PRKCQ: variants seen among roughly 807,000 people sequenced by gnomAD.
PRKCQ encodes protein kinase C theta, also known as protein kinase C theta type.
Under a neutral mutation model 91.2 loss-of-function variants are expected in PRKCQ, and 41 were observed. The ratio of observed to expected loss-of-function variants is 0.45; its 90% confidence interval spans 0.35 to 0.58. PRKCQ has a LOEUF of 0.58. Ranked by LOEUF, PRKCQ falls within the 20% of genes least tolerant of loss-of-function variation. PRKCQ has a pLI of 0.00. For synonymous variants in PRKCQ, 307 were observed against 316.9 expected (o/e 0.97, Z 0.33); for missense variants, 673 against 896.5 (o/e 0.75, Z 3.18).
chr10:6,533,391 T>G (rs1839465107), intron 1 of PRKCQ, among the ~76,000 whole-genome samples: 1 of 152,092 alleles, frequency 6.6e-6, no homozygotes, highest in Admixed American at 6.5e-5. Flanking sequence ...GAGACGGGGT[T>G]TCACCACGTT....
chr10:6,516,163 T>C (rs1171165092), intron 1 of PRKCQ, among the ~76,000 whole-genome samples: 1 of 152,188 alleles, frequency 6.6e-6, no homozygotes, highest in Non-Finnish European at 1.5e-5. Flanking sequence ...TTTGAAATAA[T>C]AAAGACCTGG....
chr10:6,425,421 A>G (rs1833093339), downstream of PRKCQ, among the ~76,000 whole-genome samples: 2 of 151,854 alleles, frequency 1.3e-5, no homozygotes, highest in South Asian at 4.1e-4. Context: ...ACGGGGTTTC[A>G]CCATGTTGGT....
rs532795355 is a variant in PRKCQ at position 6,563,387 on chromosome 10, C to T, written c.-10+16824G>A. On this transcript the variant is annotated intron_variant, in intron 1 of 17. Transcript: ENST00000263125. ...TGCCTTCTGAGTCCAGGTCAGGGCTCTCCCCATGGGGACAGGTCTCCATGG... is the reference window on the plus strand; with the variant it reads ...TGCCTTCTGAGTCCAGGTCAGGGCTTTCCCCATGGGGACAGGTCTCCATGG... Among the ~76,000 whole-genome samples the T allele has an allele frequency of 2.6e-5, 4 of 152,136 alleles. No homozygotes were observed. In the East Asian group the frequency reaches 5.8e-4, roughly 22 times the overall value.
intron 1 of PRKCQ, among the ~76,000 whole-genome samples, chr10:6,547,018 A>C (rs1042460202): frequency 6.6e-6 from 1 of 152,206 alleles, no homozygotes; most frequent in Non-Finnish European, 1.5e-5. Context: ...GGTTCTGTTT[A>C]TACGCTGGAT....
rs575818050 is a variant in PRKCQ at position 6,482,498 on chromosome 10, G to A, written c.1179+942C>T. Among the ~76,000 whole-genome samples the A allele has an allele frequency of 3.3e-5, 5 of 152,222 alleles. 1 individual carries two copies. The South Asian group carries it at 8.3e-4, about 25-fold the overall frequency. ...TGATATGAAGGCATGGAGAGAGGGCGACCATTGCAAAGCATGGAGAGGGGC... is the reference window on the plus strand; with the variant it reads ...TGATATGAAGGCATGGAGAGAGGGCAACCATTGCAAAGCATGGAGAGGGGC... On this transcript the variant is annotated intron_variant, in intron 11 of 17. Coordinates refer to ENST00000263125, the MANE Select transcript of PRKCQ (RefSeq NM_006257.5).
At chr10:6,549,449 A>G (rs1344905462) in intron 1 of PRKCQ, among the ~76,000 whole-genome samples, 4 of 152,128 alleles carry the variant, frequency 2.6e-5, no homozygotes, top group Admixed American at 1.3e-4. Context: ...TATTTTTATG[A>G]TAACTGGAGT....
At chr10:6,411,621 A>G in the PRKCQ span, among the ~76,000 whole-genome samples, 2 of 152,216 alleles carry the variant, frequency 1.3e-5, no homozygotes, top group Non-Finnish European at 2.9e-5. Context: ...TGGGACACCC[A>G]TTTGTTTCCG....
chr10:6,522,571 T>C (rs1242567194), intron 1 of PRKCQ, among the ~76,000 whole-genome samples: 2 of 152,198 alleles, frequency 1.3e-5, no homozygotes, highest in African/African-American at 4.8e-5. Flanking sequence ...AATAGAAGTA[T>C]AATATACTCT....
At chr10:6,481,336 T>C (rs1393776998) in intron 11 of PRKCQ, among the ~76,000 whole-genome samples, 1 of 152,252 alleles carries the variant, frequency 6.6e-6, no homozygotes, top group Non-Finnish European at 1.5e-5. Context: ...CTTCTTTCAG[T>C]AAAACACCCT....
intron 3 of PRKCQ, among the ~76,000 whole-genome samples, chr10:6,508,253 T>C (rs2130851311): frequency 6.6e-6 from 1 of 152,080 alleles, no homozygotes; most frequent in South Asian, 2.1e-4. Context: ...GTTAATCTAT[T>C]AAACCATCCC....
At chr10:6,453,986 G>A (rs942298143) in intron 15 of PRKCQ, among the ~76,000 whole-genome samples, 1 of 151,992 alleles carries the variant, frequency 6.6e-6, no homozygotes, top group Non-Finnish European at 1.5e-5. Context: ...ACGAGTTAAT[G>A]GGTGCAGCAC....
At chr10:6,553,290 G>C (rs1459591497) in intron 1 of PRKCQ, among the ~76,000 whole-genome samples, 1 of 151,974 alleles carries the variant, frequency 6.6e-6, no homozygotes, top group Non-Finnish European at 1.5e-5. Context: ...AGGACTTTGA[G>C]ACCAGCCTGG....
chr10:6,450,964 A>T (rs928729404), intron 15 of PRKCQ, among the ~76,000 whole-genome samples: 2 of 152,202 alleles, frequency 1.3e-5, no homozygotes, highest in African/African-American at 4.8e-5. Context: ...AATGCCCACA[A>T]GAGAAAGCAG....
chr10:6,442,923 A>G (rs1834050742), intron 15 of PRKCQ, among the ~76,000 whole-genome samples: 1 of 152,122 alleles, frequency 6.6e-6, no homozygotes, highest in African/African-American at 2.4e-5. Flanking sequence ...GATCATGCCA[A>G]TGCACTCCAG....
chr10:6,568,766 G>C (rs1840928764), intron 1 of PRKCQ, among the ~76,000 whole-genome samples: 1 of 152,128 alleles, frequency 6.6e-6, no homozygotes. Context: ...CCAAAGTGCT[G>C]AGATAACAGG....
intron 4 of PRKCQ, among the ~76,000 whole-genome samples, chr10:6,506,962 G>C (rs139742758): frequency 6.6e-6 from 1 of 152,224 alleles, no homozygotes; most frequent in Non-Finnish European, 1.5e-5. Context: ...ACCTTTTCTT[G>C]TTCCTAAAAG....
chr10:6,521,002 GA>G (rs1301070684), intron 1 of PRKCQ, among the ~76,000 whole-genome samples: 1 of 152,198 alleles, frequency 6.6e-6, no homozygotes, highest in Non-Finnish European at 1.5e-5. Flanking sequence ...CATCCCCAGT[GA>G]AGATAAACAA....
chr10:6,412,454 A>T, the PRKCQ span, among the ~76,000 whole-genome samples: 3 of 152,250 alleles, frequency 2.0e-5, no homozygotes, highest in African/African-American at 7.2e-5. Context: ...AATATAGAAG[A>T]AAAACATCTA....
At chr10:6,471,774 T>C (rs1564328462) in intron 12 of PRKCQ, among the ~76,000 whole-genome samples, 1 of 151,396 alleles carries the variant, frequency 6.6e-6, no homozygotes, top group South Asian at 2.1e-4. Flanking sequence ...AACACAACAA[T>C]GACAACAACA....
Sources: allele counts gnomAD v4.1 joint callset (sites outside exome capture counted in the v4.1 genomes callset), GRCh38; gene constraint gnomAD v4.1.1; transcripts MANE v1.5; gene names NCBI Gene and HGNC (gene_info 2026-07-23, HGNC 2026-07-21).